TRPM3: variants seen among roughly 807,000 people sequenced by gnomAD.
TRPM3 encodes transient receptor potential cation channel subfamily M member 3.
TRPM3 carries 77 observed loss-of-function variants against 181.2 expected under a neutral mutation model. The observed-to-expected ratio is 0.42, with a 90% CI of 0.35 to 0.51. The LOEUF is 0.51. Among genes scored for constraint, TRPM3 ranks in the 20% least tolerant of loss-of-function variants. The pLI is 0.01. For synonymous variants in TRPM3, 745 were observed against 796.4 expected, an observed-to-expected ratio of 0.94 and a Z score of 1.09; for missense variants, 1,759 against 2,196.7, an observed-to-expected ratio of 0.80 and a Z score of 3.98.
At chr9:70,780,090 AC>A (rs2082167691) in intron 7 of TRPM3, among the ~76,000 whole-genome samples, 1 of 152,204 alleles carries the variant, frequency 6.6e-6, no homozygotes, top group Admixed American at 6.5e-5. Flanking sequence ...ATTACAAATT[AC>A]TTCCAAAGTG....
At chr9:71,319,192 T>C (rs2088951728) in intron 1 of TRPM3, among the ~76,000 whole-genome samples, 1 of 152,010 alleles carries the variant, frequency 6.6e-6, no homozygotes, top group African/African-American at 2.4e-5. Flanking sequence ...TTAGTCAGGG[T>C]TCTCCAGAGA....
chr9:71,375,520 A>C (rs2082241), intron 1 of TRPM3, among the ~76,000 whole-genome samples: 23,169 of 152,208 alleles, frequency 0.15, 1,874 homozygotes, highest in East Asian at 0.19. Context: ...GAAAATTGAC[A>C]AATAGAATCT....
At chr9:70,635,476 T>TG (rs1554793807) in intron 11 of TRPM3, among the ~76,000 whole-genome samples, 3 of 150,004 alleles carry the variant, frequency 2.0e-5, no homozygotes, top group Middle Eastern at 3.4e-3. Flanking sequence ...TTTTTTTTTT[T>TG]TTTTTTTGAT....
chr9:71,244,299 T>C (rs9785223), intron 1 of TRPM3, among the ~76,000 whole-genome samples: 106,950 of 151,920 alleles, frequency 0.7, 37,927 homozygotes, highest in African/African-American at 0.78. Context: ...GGAGCTGGGG[T>C]CCCTTTGACC....
chr9:71,084,461 C>T (rs957186198), intron 1 of TRPM3, among the ~76,000 whole-genome samples: 5 of 151,946 alleles, frequency 3.3e-5, no homozygotes, highest in African/African-American at 1.2e-4. Flanking sequence ...AAATCAGTAG[C>T]ATTTCTATAC....
At chr9:71,122,167 A>G (rs1457576899), upstream of TRPM3, among the ~76,000 whole-genome samples, 1 of 152,164 alleles carries the variant, frequency 6.6e-6, no homozygotes, top group Non-Finnish European at 1.5e-5. Flanking sequence ...CTGCAACACA[A>G]GTTTAACCCA....
At chr9:71,280,518 AAAAAG>A (rs532521619) in intron 1 of TRPM3, among the ~76,000 whole-genome samples, 1,775 of 152,226 alleles carry the variant, frequency 0.012, 15 homozygotes, top group Non-Finnish European at 0.016. Context: ...TCTCAGAAAA[AAAAAG>A]AAAAGAAAAG....
intron 1 of TRPM3, among the ~76,000 whole-genome samples, chr9:70,981,254 G>A (rs1387917662): frequency 6.6e-6 from 1 of 152,174 alleles, no homozygotes; most frequent in African/African-American, 2.4e-5. Context: ...CAGTTTTATA[G>A]CGTAGAAGAG....
rs145272695 is a variant in TRPM3, at chr9:71,236,034, C to T, written c.183+210619G>A. Among the ~76,000 whole-genome samples, 914 of 152,278 alleles carry T rather than the reference C, an allele frequency of 6.0e-3. 12 individuals carry two copies. Among genetic ancestry groups the T allele is most frequent in the African/African-American group, 0.021 (867 of 41,564 alleles). ...GAATAATTTGTACCTATGGTGGTAA[C>T]AAAAGTTTCAGTAGCTCCACAATTT... On this transcript the variant is annotated intron_variant, in intron 1 of 24. Transcript: ENST00000357533.
intron 1 of TRPM3, among the ~76,000 whole-genome samples, chr9:71,008,190 C>T (rs930358878): frequency 1.3e-5 from 2 of 151,918 alleles, no homozygotes. Flanking sequence ...AATTCTTGGA[C>T]ACATACAACC....
intron 1 of TRPM3, among the ~76,000 whole-genome samples, chr9:71,285,981 T>C (rs1009231578): frequency 3.9e-5 from 6 of 152,154 alleles, no homozygotes; most frequent in Admixed American, 6.5e-5. Context: ...CTTCAAATCC[T>C]CATTTTCTCC....
intron 1 of TRPM3, among the ~76,000 whole-genome samples, chr9:71,157,110 A>G (rs1192284729): frequency 1.3e-5 from 2 of 152,162 alleles, no homozygotes. Context: ...CATTGGATAC[A>G]CACTGACTTT....
chr9:70,591,352 A>G (rs541169710), intron 21 of TRPM3, 147 bp from the exon 22 acceptor site: 52 of 653,044 alleles, frequency 8.0e-5, no homozygotes, highest in South Asian at 7.5e-4. Flanking sequence ...AGTTGTGTCC[A>G]GATAAGAAGA....
intron 2 of TRPM3, among the ~76,000 whole-genome samples, chr9:70,864,038 A>G (rs1392837840): frequency 6.6e-6 from 1 of 152,086 alleles, no homozygotes; most frequent in South Asian, 2.1e-4. Flanking sequence ...GAAGGTATAC[A>G]GTTTAGTTAG....
intron 1 of TRPM3, among the ~76,000 whole-genome samples, chr9:71,328,899 A>G (rs192486471): frequency 5.3e-5 from 8 of 152,356 alleles, no homozygotes; most frequent in Admixed American, 3.9e-4. Context: ...CCATTCCCAG[A>G]GGCTGACACC....
In TRPM3 at chr9:70,820,045, C is replaced by T. The variant is rs779679259; in HGVS notation, c.973+7802G>A. Among the ~76,000 whole-genome samples the T allele has an allele frequency of 3.9e-5, 6 of 152,246 alleles. No homozygotes were observed. In the East Asian group the frequency reaches 1.2e-3, roughly 29 times the overall value. On this transcript the variant is annotated intron_variant, in intron 6 of 25. Coordinates refer to ENST00000677713, the MANE Select transcript of TRPM3 (RefSeq NM_001366145.2). The stretch of plus-strand genomic sequence containing the variant: ...AATTCATATTCAGCTCAAGTTCCTA[C>T]ACCTCCAACAAGTCGAGTACTCAAA...
intron 8 of TRPM3, chr9:70,761,311 G>T: frequency 1.6e-6 from 1 of 612,316 alleles, no homozygotes; most frequent in South Asian, 2.0e-5. Flanking sequence ...TCCAGGAGGG[G>T]ACCAATTTTA....
chr9:70,772,322 A>ATT (rs67215937), intron 7 of TRPM3, among the ~76,000 whole-genome samples: 5,462 of 148,404 alleles, frequency 0.037, 133 homozygotes, highest in South Asian at 0.062. Context: ...CACAGAGAGT[A>ATT]TTTTTTTTTT....
intron 8 of TRPM3, among the ~76,000 whole-genome samples, chr9:70,744,137 G>A (rs979517017): frequency 2.6e-4 from 40 of 151,980 alleles, no homozygotes; most frequent in African/African-American, 8.7e-4. Flanking sequence ...AGACCAGCCT[G>A]GACAACATGG....
Sources: allele counts gnomAD v4.1 joint callset (sites outside exome capture counted in the v4.1 genomes callset), GRCh38; gene constraint gnomAD v4.1.1; transcripts MANE v1.5; gene names NCBI Gene and HGNC (gene_info 2026-07-23, HGNC 2026-07-21).